The following CAB39 variants were observed in gnomAD, a reference collection of about 807,000 sequenced individuals.
CAB39 encodes the protein calcium binding protein 39.
Under a neutral mutation model 40.0 loss-of-function variants are expected in CAB39, and 8 were observed. The observed-to-expected ratio is 0.20, with a 90% CI of 0.12 to 0.36. The LOEUF is 0.36. Among genes scored for constraint, CAB39 ranks in the 10% least tolerant of loss-of-function variants. CAB39 has a pLI of 1.00. For missense variants in CAB39, 270 were observed against 401.1 expected, an observed-to-expected ratio of 0.67 and a Z score of 2.79; for synonymous variants, 156 against 141.6, an observed-to-expected ratio of 1.10 and a Z score of -0.72.
intron 3 of CAB39, among the ~76,000 whole-genome samples, chr2:230,792,425 CTG>C (rs1695907711): frequency 6.6e-6 from 1 of 152,186 alleles, no homozygotes; most frequent in Non-Finnish European, 1.5e-5. Flanking sequence ...ATCTCTCTGT[CTG>C]TGGTTTAGGT....
At chr2:230,738,461 G>T (rs1237077464) in intron 1 of CAB39, among the ~76,000 whole-genome samples, 2 of 152,192 alleles carry the variant, frequency 1.3e-5, no homozygotes, top group Non-Finnish European at 2.9e-5. Context: ...ATTTCATCAG[G>T]ATCAAGGCTT....
chr2:230,742,436 C>CA (rs1235863856), intron 1 of CAB39, among the ~76,000 whole-genome samples: 2 of 151,780 alleles, frequency 1.3e-5, no homozygotes, highest in African/African-American at 4.8e-5. Context: ...CGGCCTCCCA[C>CA]AGTGCTGGGA....
At chr2:230,800,842 G>T (rs143665704) in intron 5 of CAB39, among the ~76,000 whole-genome samples, 255 of 152,262 alleles carry the variant, frequency 1.7e-3, no homozygotes, top group African/African-American at 5.7e-3. Flanking sequence ...AGTGAGTCTC[G>T]TCTGGCCTGG....
chr2:230,777,825 T>C (rs965517755), intron 2 of CAB39, among the ~76,000 whole-genome samples: 17 of 152,348 alleles, frequency 1.1e-4, no homozygotes, highest in Admixed American at 3.9e-4. Context: ...TAACACTGCA[T>C]GTACTTACCT....
intron 1 of CAB39, among the ~76,000 whole-genome samples, chr2:230,752,816 AAAGTTTGCTGTGACAACC>A (rs1384476576): frequency 3.3e-5 from 5 of 152,254 alleles, no homozygotes; most frequent in African/African-American, 1.2e-4. Flanking sequence ...AGAGTTGAGT[AAAGTTTGCTGTGACAACC>A]AAGTTTAGTG....
At chr2:230,751,546 T>C (rs1695085804) in intron 1 of CAB39, among the ~76,000 whole-genome samples, 1 of 152,186 alleles carries the variant, frequency 6.6e-6, no homozygotes, top group Middle Eastern at 3.2e-3. Context: ...AGCAGTCAGA[T>C]CTCCAAAGAT....
intron 5 of CAB39, among the ~76,000 whole-genome samples, chr2:230,803,217 A>G (rs768452742): frequency 6.6e-6 from 1 of 152,226 alleles, no homozygotes; most frequent in African/African-American, 2.4e-5. Flanking sequence ...CTTTCGTGCT[A>G]AAAACTCTCA....
chr2:230,738,920 A>G (rs1694830516), intron 1 of CAB39, among the ~76,000 whole-genome samples: 1 of 152,254 alleles, frequency 6.6e-6, no homozygotes, highest in African/African-American at 2.4e-5. Flanking sequence ...AGGAAAAACT[A>G]AAAATCATTT....
At chr2:230,788,864 T>G (rs1695843024) in intron 2 of CAB39, among the ~76,000 whole-genome samples, 1 of 152,194 alleles carries the variant, frequency 6.6e-6, no homozygotes, top group African/African-American at 2.4e-5. Context: ...GATTATTCTG[T>G]GCCTTGGTAT....
chr2:230,799,142 T>C, intron 5 of CAB39: 1 of 416,726 alleles, frequency 2.4e-6, no homozygotes, highest in Non-Finnish European at 4.3e-6. Context: ...TCTACTTTGC[T>C]GTTAAATTAT....
Position 230,750,512 on chromosome 2 carries a change from A to T in CAB39, c.-43-9447A>T, listed in dbSNP as rs142692021. ...CCCTTTATAAATTACCCCAAATTTC[A>T]ACTGCTTCTTAAAGCTACTCTTGAT... On this transcript the variant is annotated intron_variant, in intron 1 of 8. Coordinates refer to ENST00000258418, the MANE Select transcript of CAB39 (RefSeq NM_016289.4). 1.4e-4 allele frequency among the ~76,000 whole-genome samples: 22 copies of T among 152,338 alleles called. 1 individual carries two copies. Among genetic ancestry groups the T allele is most frequent in the East Asian group, 1.3e-3 (7 of 5,190 alleles).
At chr2:230,777,366 T>G (rs10208347) in intron 2 of CAB39, among the ~76,000 whole-genome samples, 15,819 of 151,140 alleles carry the variant, frequency 0.1, 1,802 homozygotes, top group African/African-American at 0.29. Flanking sequence ...TTTTTTGTTT[T>G]TTTTTTTTTA....
chr2:230,790,716 C>T (rs1695879042), intron 2 of CAB39, among the ~76,000 whole-genome samples, 156 bp from the exon 3 acceptor site: 1 of 152,182 alleles, frequency 6.6e-6, no homozygotes, highest in South Asian at 2.1e-4. Flanking sequence ...GCGCCCAGCT[C>T]CTGAGGGCAA....
At chr2:230,793,098 C>T (rs936468713) in intron 3 of CAB39, 115 bp from the exon 4 acceptor site, 12 of 614,532 alleles carry the variant, frequency 2.0e-5, no homozygotes, top group Non-Finnish European at 3.6e-5. Context: ...GTGTTAAAGT[C>T]AGATATTCAG....
chr2:230,775,152 GAAACTCAAAAA>G (rs1695563151), intron 2 of CAB39, among the ~76,000 whole-genome samples: 1 of 150,616 alleles, frequency 6.6e-6, no homozygotes, highest in African/African-American at 2.4e-5. Context: ...TGGGTTTAAA[GAAACTCAAAAA>G]AAACAAAAAA....
At chr2:230,790,244 A>G (rs978125354) in intron 2 of CAB39, among the ~76,000 whole-genome samples, 2 of 150,168 alleles carry the variant, frequency 1.3e-5, no homozygotes, top group Non-Finnish European at 3.0e-5. Context: ...CCCTGTCTCA[A>G]AAAAAAAAAA....
chr2:230,727,684 C>T (rs1044843441), intron 1 of CAB39, among the ~76,000 whole-genome samples: 2 of 151,508 alleles, frequency 1.3e-5, no homozygotes, highest in Non-Finnish European at 2.9e-5. Flanking sequence ...TAAAGTGTTG[C>T]GATTACAGGT....
chr2:230,795,903 G>A lies in CAB39; in HGVS notation c.398+2572G>A, dbSNP rs549069472. ...CACTTCCTTAGATAAGTATTGAGTT[G>A]TTTTAAGGATCATTATAAACTCACG... On this transcript the variant is annotated intron_variant, in intron 4 of 8. Coordinates refer to ENST00000258418, the MANE Select transcript of CAB39 (RefSeq NM_016289.4). Among the ~76,000 whole-genome samples the A allele has an allele frequency of 2.6e-5, 4 of 151,958 alleles. No homozygotes were observed. In the East Asian group the frequency reaches 7.7e-4, roughly 29 times the overall value.
At chr2:230,786,302 G>A (rs1575946451) in intron 2 of CAB39, among the ~76,000 whole-genome samples, 1 of 141,112 alleles carries the variant, frequency 7.1e-6, no homozygotes, top group African/African-American at 2.6e-5. Context: ...ACCACACCCA[G>A]CCATAAATAG....
Sources: gnomAD v4.1 joint callset for allele counts (sites outside exome capture counted in the v4.1 genomes callset) on GRCh38, gnomAD v4.1.1 for gene constraint, MANE v1.5 for transcripts, NCBI Gene and HGNC (gene_info 2026-07-23, HGNC 2026-07-21) for gene names.